Variants in PREX1 observed in about 807,000 individuals in gnomAD.
The protein encoded by PREX1 is phosphatidylinositol-3,4,5-trisphosphate dependent Rac exchange factor 1.
Under a neutral mutation model 198.3 loss-of-function variants are expected in PREX1, and 41 were observed. The observed-to-expected ratio is 0.21, with a 90% confidence interval of 0.16 to 0.27. The LOEUF (loss-of-function observed/expected upper bound fraction) is 0.27, where lower values mean the gene tolerates loss of function less well. Ranked by LOEUF, PREX1 falls within the 10% of genes least tolerant of loss-of-function variation. The pLI is 1.00. For missense variants in PREX1, 1,620 were observed against 2,200.7 expected (o/e 0.74, Z 5.28); for synonymous variants, 843 against 887.2 (o/e 0.95, Z 0.89).
At chr20:48,809,743 A>G (rs1479035425) in intron 1 of PREX1, among the ~76,000 whole-genome samples, 1 of 152,202 alleles carries the variant, frequency 6.6e-6, no homozygotes, top group Admixed American at 6.5e-5. Flanking sequence ...CTGCAACCTA[A>G]GAAGAGGCCC....
chr20:48,872,076 G>A, the PREX1 span, among the ~76,000 whole-genome samples: 10 of 150,974 alleles, frequency 6.6e-5, no homozygotes, highest in East Asian at 1.6e-3. Context: ...GGAGAATGGC[G>A]TGAACCTGGG....
At chr20:48,882,525 A>AAAAAGAG in the PREX1 span, among the ~76,000 whole-genome samples, 3 of 97,814 alleles carry the variant, frequency 3.1e-5, no homozygotes, top group Non-Finnish European at 5.9e-5. Context: ...AAAAAAAAAA[A>AAAAAGAG]AGAGAGAATC....
rs760940386 is a variant in PREX1 at position 48,649,400 on chromosome 20, T to C, written c.3205A>G (p.Lys1069Glu). Residue 1069 changes from lysine (K) to glutamate (E), a missense_variant, in exon 25 of 40, where the codon AAG (lysine) becomes GAG (glutamate). Physicochemically the swap from Lys to Glu is moderately conservative, Grantham distance 56 (BLOSUM62 1). Coordinates refer to ENST00000371941, the MANE Select transcript of PREX1 (RefSeq NM_020820.4). Reference sequence around the variant, plus strand: ...TCCTGGATCTCACGGTCCTCCTGCTTGAGTAGGAAGCTGAGGCCCCGGTCT... The same window carrying C: ...TCCTGGATCTCACGGTCCTCCTGCTCGAGTAGGAAGCTGAGGCCCCGGTCT... ...QEDRGLSFLL[K>E]QEDREIQDAY... 5.0e-6 allele frequency: 8 copies of C among 1,614,018 alleles called. No individual in the cohort carries two copies. The African/African-American group carries it at 1.1e-4, about 22-fold the overall frequency.
intron 1 of PREX1, among the ~76,000 whole-genome samples, chr20:48,778,307 C>T (rs2090272525): frequency 6.6e-6 from 1 of 152,080 alleles, no homozygotes; most frequent in Non-Finnish European, 1.5e-5. Flanking sequence ...GGCACAGTGG[C>T]TCATGCCTGT....
At chr20:48,766,029 A>C (rs975016103) in intron 1 of PREX1, among the ~76,000 whole-genome samples, 1 of 152,164 alleles carries the variant, frequency 6.6e-6, no homozygotes, top group Non-Finnish European at 1.5e-5. Context: ...ACGAGAATCT[A>C]ATGCCTGATG....
chr20:48,727,107 G>A (rs2090014064), intron 4 of PREX1, among the ~76,000 whole-genome samples: 2 of 152,202 alleles, frequency 1.3e-5, no homozygotes, highest in South Asian at 2.1e-4. Context: ...AGACATGCGT[G>A]TTAAAGGAAT....
chr20:48,769,682 C>T (rs1568857555), intron 1 of PREX1, among the ~76,000 whole-genome samples: 1 of 152,168 alleles, frequency 6.6e-6, no homozygotes, highest in African/African-American at 2.4e-5. Flanking sequence ...GCCTGGAACG[C>T]CTGTCACCAC....
chr20:48,642,507 C>T lies in PREX1; in HGVS notation c.3602-18G>A, dbSNP rs995267913. On this transcript the variant is annotated intron_variant, in intron 27 of 39. Transcript: ENST00000371941. ...CTCATCTCCTGGCAGGAGGTAGAAG[C>T]AGCAGCCATCAGTCATTCCTGCCCC... 1 of 1,595,154 alleles carries T rather than the reference C, an allele frequency of 6.3e-7. No homozygotes were observed. The highest frequency in any genetic ancestry group is 8.6e-7 in the Non-Finnish European group (1 of 1,166,306).
intron 15 of PREX1, among the ~76,000 whole-genome samples, chr20:48,661,435 A>T (rs2089590929): frequency 9.2e-6 from 1 of 108,672 alleles, no homozygotes; most frequent in African/African-American, 5.2e-5. Flanking sequence ...AAAAAAAAAA[A>T]AAAAAAAAAA....
intron 19 of PREX1, among the ~76,000 whole-genome samples, chr20:48,654,043 A>G (rs1320491571): frequency 6.6e-6 from 1 of 152,222 alleles, no homozygotes; most frequent in Non-Finnish European, 1.5e-5. Flanking sequence ...GACATGGGGC[A>G]ATACCAGGCC....
chr20:48,679,934 G>A (rs1232879875), intron 11 of PREX1, among the ~76,000 whole-genome samples, 180 bp from the exon 12 acceptor site: 1 of 151,786 alleles, frequency 6.6e-6, no homozygotes, highest in East Asian at 1.9e-4. Flanking sequence ...CGAGGTGGGT[G>A]CTATGACTTC....
intron 7 of PREX1, among the ~76,000 whole-genome samples, chr20:48,697,134 G>A (rs1270140518): frequency 6.6e-6 from 1 of 152,104 alleles, no homozygotes; most frequent in Non-Finnish European, 1.5e-5. Context: ...TTAAGTGTGG[G>A]CTATGTGTGA....
chr20:48,641,432 A>G (rs1254723535), intron 29 of PREX1, among the ~76,000 whole-genome samples: 1 of 152,152 alleles, frequency 6.6e-6, no homozygotes, highest in Non-Finnish European at 1.5e-5. Context: ...TAAATTTTTT[A>G]AGAGTGATAC....
In PREX1 at chr20:48,734,775, C is replaced by A. The variant is rs1601103599; in HGVS notation, c.415-125G>T. The A allele has an allele frequency of 5.5e-6, 4 of 720,938 alleles. No homozygotes were observed. In the East Asian group the frequency reaches 1.1e-4, roughly 19 times the overall value. 44.7% of individuals were successfully genotyped at this position (720,938 alleles called of 1,614,324 possible). On this transcript the variant is annotated intron_variant, in intron 3 of 39. Transcript: ENST00000371941. Reference sequence around the variant, plus strand: ...TACCCTGACCCAGGAGAAGCTACAGCAGGAGGTATCTCAGGTAAAGCGGCT... The same window carrying A: ...TACCCTGACCCAGGAGAAGCTACAGAAGGAGGTATCTCAGGTAAAGCGGCT...
At chr20:48,715,334 G>A (rs1177858914) in intron 5 of PREX1, among the ~76,000 whole-genome samples, 2 of 152,202 alleles carry the variant, frequency 1.3e-5, no homozygotes, top group African/African-American at 4.8e-5. Flanking sequence ...TTTCTCGCAA[G>A]AGAGAGGGCT....
intron 5 of PREX1, among the ~76,000 whole-genome samples, chr20:48,715,763 T>C (rs1472655589): frequency 6.6e-6 from 1 of 152,240 alleles, no homozygotes; most frequent in Non-Finnish European, 1.5e-5. Flanking sequence ...GAAGTCGTGG[T>C]AATAGTCCTA....
At chr20:48,679,813 G>T in intron 11 of PREX1, 59 bp from the exon 12 acceptor site, 2 of 1,371,434 alleles carry the variant, frequency 1.5e-6, no homozygotes, top group Non-Finnish European at 2.1e-6. Flanking sequence ...TCCCAGCCAC[G>T]CCCCCCAGCA....
At chr20:48,702,873 C>G (rs1034143806) in intron 6 of PREX1, among the ~76,000 whole-genome samples, 9 of 152,188 alleles carry the variant, frequency 5.9e-5, no homozygotes, top group Admixed American at 3.9e-4. Flanking sequence ...GACATTTAGG[C>G]CCAAGGAATA....
At chr20:48,815,326 A>G (rs1378117594) in intron 1 of PREX1, among the ~76,000 whole-genome samples, 2 of 152,244 alleles carry the variant, frequency 1.3e-5, no homozygotes, top group Non-Finnish European at 2.9e-5. Context: ...ACGACAGCAG[A>G]AGACACATTC....
Sources: allele counts gnomAD v4.1 joint callset (sites outside exome capture counted in the v4.1 genomes callset), GRCh38; gene constraint gnomAD v4.1.1; transcripts MANE v1.5; gene names NCBI Gene and HGNC (gene_info 2026-07-23, HGNC 2026-07-21).